TASOR: variants seen among roughly 807,000 people sequenced by gnomAD.
The protein encoded by TASOR is protein TASOR.
In TASOR, 53 loss-of-function variants were observed where a neutral mutation model predicts 178.6. The ratio of observed to expected loss-of-function variants is 0.30; its 90% CI spans 0.24 to 0.37. TASOR has a LOEUF of 0.37. Ranked by LOEUF, TASOR falls within the 10% of genes least tolerant of loss-of-function variation. TASOR has a pLI of 1.00. For missense variants in TASOR, 1,815 were observed against 1,971.4 expected (o/e 0.92, Z 1.50); for synonymous variants, 713 against 696.2 (o/e 1.02, Z -0.38).
intron 11 of TASOR, among the ~76,000 whole-genome samples, chr3:56,653,188 G>A (rs1192433597): frequency 1.4e-5 from 2 of 147,768 alleles, no homozygotes; most frequent in South Asian, 4.3e-4. Flanking sequence ...GCTTGAACCC[G>A]GGAGGTGGAG....
chr3:56,672,719 A>C (rs905776290), intron 2 of TASOR, among the ~76,000 whole-genome samples: 1 of 152,204 alleles, frequency 6.6e-6, no homozygotes, highest in African/African-American at 2.4e-5. Context: ...TGTCCTAAAA[A>C]CAAACACACC....
Position 56,668,532 on chromosome 3 carries a change from G to A in TASOR, c.762C>T (p.Pro254=), listed in dbSNP as rs750644309. The part of the protein sequence containing the change: ...MKGKIKSIYD[P]MGVKSLESML... Reference sequence around the variant, plus strand: ...TAGATTCCAAACTTTTTACACCCATGGGGTCATATATACTCTTTATTTTAC... The same window carrying A: ...TAGATTCCAAACTTTTTACACCCATAGGGTCATATATACTCTTTATTTTAC... The change falls in exon 6 of 24, where the codon CCC becomes CCT. Residue 254 remains proline, a synonymous_variant. Coordinates refer to ENST00000683822, the MANE Select transcript of TASOR (RefSeq NM_001365635.2). The A allele has an allele frequency of 1.7e-5, 27 of 1,551,206 alleles. No homozygotes were observed. Among genetic ancestry groups the A allele is most frequent in the Non-Finnish European group, 2.4e-5 (27 of 1,146,648 alleles).
chr3:56,623,326 T>G lies in TASOR; in HGVS notation c.4724A>C (p.Asp1575Ala), dbSNP rs2076728943. The change falls in exon 24 of 24, where the codon GAT (aspartate) becomes GCT (alanine). Residue 1575 changes from aspartate to alanine, a missense_variant. Physicochemically the swap from Asp to Ala is moderately radical, Grantham distance 126. Coordinates refer to ENST00000683822, the MANE Select transcript of TASOR (RefSeq NM_001365635.2). ...GTTCTCTCCTTCAGAGCATACTATA[T>G]CAATAGAAGTTCTCTCTTCAGAATC... Reference protein sequence around the residue: ...YLDSEERTSIDIVCSEGENSN... With the variant: ...YLDSEERTSIAIVCSEGENSN... 2 of 1,613,568 alleles carry G rather than the reference T, an allele frequency of 1.2e-6. No homozygotes were observed. Among genetic ancestry groups the G allele is most frequent in the Non-Finnish European group, 8.5e-7 (1 of 1,179,970 alleles).
chr3:56,679,110 A>C (rs1262726841), intron 1 of TASOR, among the ~76,000 whole-genome samples: 1 of 152,222 alleles, frequency 6.6e-6, no homozygotes, highest in East Asian at 1.9e-4. Context: ...CGAAATAATT[A>C]GCAAGAAGAG....
chr3:56,621,754 G>T lies in TASOR; in HGVS notation c.*1283C>A. On this transcript the variant is annotated 3_prime_UTR_variant, in exon 24 of 24. Coordinates refer to ENST00000683822, the MANE Select transcript of TASOR (RefSeq NM_001365635.2). ...TGCTCATTAAAAACTTGTATACTAT[G>T]TAGTAAAATGCTGTACTTGTTCTAT... is the stretch of plus-strand genomic sequence containing the variant. 8.6e-6 allele frequency: 3 copies of T among 348,884 alleles called. No homozygotes were observed. The highest frequency in any genetic ancestry group is 2.2e-5 in the African/African-American group (1 of 44,626). 21.6% of individuals were successfully genotyped at this position (348,884 alleles called of 1,614,324 possible).
Position 56,624,897 on chromosome 3 carries a change from G to A in TASOR, c.4249C>T (p.Pro1417Ser). Residue 1417 changes from proline (P) to serine (S), a missense_variant, in exon 22 of 24, where the codon CCA (proline) becomes TCA (serine). Physicochemically the swap from Pro to Ser is moderately conservative, Grantham distance 74 (BLOSUM62 -1). Around this residue, in one of 5 missense-constraint regions of TASOR, gnomAD observed 134 missense variants for 195.2 expected, o/e 0.69. Coordinates refer to ENST00000683822, the MANE Select transcript of TASOR (RefSeq NM_001365635.2). Reference protein sequence around the residue: ...HNCDSQTRNAPELDCLIRLQA... With the variant: ...HNCDSQTRNASELDCLIRLQA... Reference sequence around the variant, plus strand: ...AGTCTGATAAGGCAATCCAATTCTGGAGCATTTCGAGTTTGTGAATCACAA... The same window carrying A: ...AGTCTGATAAGGCAATCCAATTCTGAAGCATTTCGAGTTTGTGAATCACAA... 4 of 1,614,132 alleles carry A rather than the reference G, an allele frequency of 2.5e-6. No homozygotes were observed. Among genetic ancestry groups the A allele is most frequent in the Non-Finnish European group, 3.4e-6 (4 of 1,180,012 alleles).
intron 17 of TASOR, among the ~76,000 whole-genome samples, chr3:56,635,298 A>T (rs918044351): frequency 6.6e-6 from 1 of 152,238 alleles, no homozygotes; most frequent in South Asian, 2.1e-4. Context: ...AAAATATCCA[A>T]CGTGCCAGGA....
intron 1 of TASOR, among the ~76,000 whole-genome samples, chr3:56,677,311 C>G (rs1311442073): frequency 6.6e-6 from 1 of 152,138 alleles, no homozygotes; most frequent in East Asian, 1.9e-4. Context: ...ATGAATTATC[C>G]ATTTCACTCA....
In TASOR at chr3:56,682,984, T is replaced by A. The variant is rs1212065275; in HGVS notation, c.23A>T (p.Glu8Val). The A allele has an allele frequency of 3.2e-6, 5 of 1,548,494 alleles. No homozygotes were observed. Among genetic ancestry groups the A allele is most frequent in the Non-Finnish European group, 4.4e-6 (5 of 1,145,844 alleles). MATAVET[E>V]ACQPTDASWE... ...ACTCGCATCCGTCGGCTGACAGGCC[T>A]CCGTCTCCACAGCAGTCGCCATCGC... The change falls in exon 1 of 24, where the codon GAG (glutamate) becomes GTG (valine). Residue 8 changes from glutamate to valine, a missense_variant. Glu to Val is a moderately radical substitution (Grantham distance 121). Around this residue, in one of 5 missense-constraint regions of TASOR, gnomAD observed 244 missense variants for 202.7 expected, o/e 1.20. Coordinates refer to ENST00000683822, the MANE Select transcript of TASOR (RefSeq NM_001365635.2).
chr3:56,677,717 T>C (rs2031434433), intron 1 of TASOR, among the ~76,000 whole-genome samples: 1 of 152,210 alleles, frequency 6.6e-6, no homozygotes, highest in South Asian at 2.1e-4. Context: ...CACAGGAAGT[T>C]AATATAAAAG....
At chr3:56,643,979 T>A (rs1428167160) in intron 14 of TASOR, among the ~76,000 whole-genome samples, 1 of 152,222 alleles carries the variant, frequency 6.6e-6, no homozygotes, top group Non-Finnish European at 1.5e-5. Flanking sequence ...TAATTATTGA[T>A]GAAGCCTGAT....
intron 3 of TASOR, among the ~76,000 whole-genome samples, chr3:56,671,150 C>T (rs189915834): frequency 4.0e-5 from 6 of 151,894 alleles, no homozygotes; most frequent in African/African-American, 1.4e-4. Context: ...ACCAGCCTGG[C>T]CCACATGGTG....
At chr3:56,624,774 C>A (rs1276277746) in intron 22 of TASOR, 54 bp downstream of exon 22, 1 of 1,580,536 alleles carries the variant, frequency 6.3e-7, no homozygotes, top group Non-Finnish European at 8.6e-7. Context: ...CCATAAAATC[C>A]TTTCATTCAC....
At chr3:56,648,696 C>A in intron 13 of TASOR, 126 bp downstream of exon 13, 2 of 461,904 alleles carry the variant, frequency 4.3e-6, no homozygotes, top group Non-Finnish European at 8.1e-6. Flanking sequence ...GCTAATACCT[C>A]TTAACCCCCA....
intron 1 of TASOR, among the ~76,000 whole-genome samples, chr3:56,676,131 T>C (rs1172642260): frequency 2.7e-5 from 4 of 148,582 alleles, no homozygotes; most frequent in African/African-American, 1.0e-4. Flanking sequence ...AACCTATTGA[T>C]TGTAAGCTCC....
intron 17 of TASOR, among the ~76,000 whole-genome samples, chr3:56,635,165 G>A (rs1274923822): frequency 1.3e-5 from 2 of 152,178 alleles, no homozygotes; most frequent in Non-Finnish European, 2.9e-5. Context: ...TCGAGCTTAT[G>A]ACATTCTCTA....
At position 56,633,654 on chromosome 3, in the gene TASOR, G is replaced by C. The variant is rs9835332; in HGVS notation, c.3137C>G (p.Thr1046Arg). Residue 1046 changes from threonine to arginine, a missense_variant, in exon 18 of 24, where the codon ACA becomes AGA. Coordinates refer to ENST00000683822, the MANE Select transcript of TASOR (RefSeq NM_001365635.2). The part of the protein sequence containing the change: ...LKQKNVSYVS[T>R]VSTPIFSTQE... The stretch of plus-strand genomic sequence containing the variant: ...TGTTGAAAAGATAGGTGTGGAAACT[G>C]TACTGACATATGAAACATTCTTTTG... 0.53 allele frequency: 849,427 copies of C among 1,613,588 alleles called. 238,541 individuals are homozygous for C. The highest frequency in any genetic ancestry group is 0.93 in the East Asian group (41,954 of 44,884).
intron 23 of TASOR, 150 bp downstream of exon 23, chr3:56,624,329 T>G (rs1017976693): frequency 1.4e-6 from 1 of 713,262 alleles, no homozygotes; most frequent in Admixed American, 2.8e-5. Context: ...TGCTAAGTAT[T>G]AGAATGATAA....
At position 56,682,743 on chromosome 3, in the gene TASOR, G is replaced by A. The variant is rs776988086; in HGVS notation, c.264C>T (p.Gly88=). 1 of 1,524,426 alleles carries A rather than the reference G, an allele frequency of 6.6e-7. No individual in the cohort carries two copies. The highest frequency in any genetic ancestry group is 8.8e-7 in the Non-Finnish European group (1 of 1,134,120). The allele number at this position is 1,524,426 out of a possible 1,614,324, so 94.4% of individuals were successfully genotyped here. A position where few individuals can be genotyped will look rare whatever the true frequency, so the allele number is the denominator to read the frequency against. Residue 88 remains glycine (G), a synonymous_variant, in exon 1 of 24, where the codon GGC becomes GGT. Coordinates refer to ENST00000683822, the MANE Select transcript of TASOR (RefSeq NM_001365635.2). ...SEAGAAALPR[G]PEEPERPVRR... The stretch of plus-strand genomic sequence containing the variant: ...TAACAGGCCTTTCGGGCTCTTCGGG[G>A]CCTCTGGGCAGGGCGGCCGCGCCCG...
Sources: gnomAD v4.1 joint callset for allele counts (sites outside exome capture counted in the v4.1 genomes callset) on GRCh38, gnomAD v4.1.1 for gene constraint, gnomAD v4.1.1 regional missense constraint, MANE v1.5 for transcripts, NCBI Gene and HGNC (gene_info 2026-07-23, HGNC 2026-07-21) for gene names.